Variants in ANO5 observed in about 807,000 individuals in gnomAD.
The protein encoded by ANO5 is anoctamin-5.
ANO5 carries 109 observed loss-of-function variants against 121.0 expected under a neutral mutation model. The ratio of observed to expected loss-of-function variants is 0.90; its 90% CI spans 0.77 to 1.06. ANO5 has a LOEUF of 1.06. Ranked by LOEUF, ANO5 falls within the 50% of genes least tolerant of loss-of-function variation. The pLI, the probability that ANO5 is intolerant of heterozygous loss-of-function variation, is 0.00. For synonymous variants in ANO5, 406 were observed against 359.9 expected (o/e 1.13, Z -1.45); for missense variants, 1,064 against 1,078.5 (o/e 0.99, Z 0.19).
chr11:22,237,106 G>C (rs955738518), intron 8 of ANO5, among the ~76,000 whole-genome samples: 7 of 152,228 alleles, frequency 4.6e-5, no homozygotes, highest in African/African-American at 1.2e-4. Context: ...TCTACTTTGA[G>C]ATCATCCCTT....
intron 13 of ANO5, among the ~76,000 whole-genome samples, chr11:22,256,545 C>T (rs770861370): frequency 6.6e-6 from 1 of 152,066 alleles, no homozygotes; most frequent in Non-Finnish European, 1.5e-5. Flanking sequence ...ACATGATGTT[C>T]ATTCCTATTT....
chr11:22,251,107 A>G (rs1424960082), intron 12 of ANO5, 96 bp downstream of exon 12: 2 of 1,256,188 alleles, frequency 1.6e-6, no homozygotes, highest in Admixed American at 3.9e-5. Context: ...CTTACATACC[A>G]AATGTGGTTT....
chr11:22,257,856 T>C (rs1854056211), intron 14 of ANO5, 102 bp downstream of exon 14: 17 of 947,098 alleles, frequency 1.8e-5, no homozygotes, highest in Non-Finnish European at 2.7e-5. Context: ...TTCCTTTCCC[T>C]CTCCCTCCCT....
intron 12 of ANO5, among the ~76,000 whole-genome samples, chr11:22,251,381 G>C (rs1211985310): frequency 6.6e-6 from 1 of 152,108 alleles, no homozygotes; most frequent in Non-Finnish European, 1.5e-5. Flanking sequence ...CTGGAACACA[G>C]ATCAAAAACT....
chr11:22,202,272 C>T (rs1042864139), intron 1 of ANO5, among the ~76,000 whole-genome samples: 3 of 152,090 alleles, frequency 2.0e-5, no homozygotes, highest in African/African-American at 7.2e-5. Context: ...AAATATTCCT[C>T]TGCAGAAAAC....
intron 7 of ANO5, among the ~76,000 whole-genome samples, chr11:22,234,318 C>A (rs1853144169): frequency 6.6e-6 from 1 of 152,034 alleles, no homozygotes; most frequent in Non-Finnish European, 1.5e-5. Context: ...ATTATCTCAT[C>A]CCTTCTTAAA....
chr11:22,251,067 C>T (rs1033868187), intron 12 of ANO5, 56 bp downstream of exon 12: 4 of 1,488,570 alleles, frequency 2.7e-6, no homozygotes, highest in Admixed American at 1.7e-5. Context: ...TGTTGTTTTG[C>T]CTCCATATAA....
intron 20 of ANO5, among the ~76,000 whole-genome samples, chr11:22,275,682 G>A (rs560085601): frequency 8.6e-5 from 13 of 151,908 alleles, no homozygotes; most frequent in South Asian, 2.1e-4. Flanking sequence ...GAAGATAGAA[G>A]TGGCCTATAT....
chr11:22,276,124 C>G lies in ANO5; in HGVS notation c.2445C>G (p.Asp815Glu), dbSNP rs774160498. Residue 815 changes from aspartate (D) to glutamate (E), a missense_variant, in exon 21 of 22, where the codon GAC becomes GAG. Transcript: ENST00000324559. ...RYRDYRYPPD[D>E]ENKYFHNMQF... The stretch of plus-strand genomic sequence containing the variant: ...GAGATTACAGATATCCTCCTGATGA[C>G]GAGAATAAATATTTTCATAATATGC... 8.7e-6 allele frequency: 14 copies of G among 1,610,028 alleles called. No homozygotes were observed. Among genetic ancestry groups the G allele is most frequent in the Non-Finnish European group, 1.1e-5 (13 of 1,177,202 alleles).
Position 22,210,146 on chromosome 11 carries a change from A to G in ANO5, c.88-1118A>G, listed in dbSNP as rs541404829. On this transcript the variant is annotated intron_variant, in intron 2 of 21. Coordinates refer to ENST00000324559, the MANE Select transcript of ANO5 (RefSeq NM_213599.3). ...AATTATAACTGTATTTTAGGCCTGT[A>G]TTTACTCACAGATTCTCAGTCTTCC... 1.3e-4 allele frequency among the ~76,000 whole-genome samples: 20 copies of G among 152,024 alleles called. No homozygotes were observed. The South Asian group carries it at 4.1e-3, about 32-fold the overall frequency.
At chr11:22,224,074 C>T (rs1425109410) in intron 5 of ANO5, among the ~76,000 whole-genome samples, 1 of 151,876 alleles carries the variant, frequency 6.6e-6, no homozygotes, top group Non-Finnish European at 1.5e-5. Context: ...TCCAGGACTC[C>T]ACATTATCTT....
At position 22,281,499 on chromosome 11, in the gene ANO5, G is replaced by A. The variant is rs1855078484; in HGVS notation, c.*1734G>A. The A allele has an allele frequency of 2.1e-5, 3 of 140,360 alleles. No individual in the cohort carries two copies. In the Admixed American group the frequency reaches 2.2e-4, roughly 10 times the overall value. The allele number at this position is 140,360 out of a possible 1,614,324, so 8.7% of individuals were successfully genotyped here. On this transcript the variant is annotated 3_prime_UTR_variant, in exon 22 of 22. Transcript: ENST00000324559. ...TTATTGAAAGATGATTTCATATGTA[G>A]AGAAGATAATATTTCTTTCTTGAAA...
At chr11:22,242,729 T>A (rs1270153362) in intron 9 of ANO5, among the ~76,000 whole-genome samples, 1 of 152,072 alleles carries the variant, frequency 6.6e-6, no homozygotes, top group Non-Finnish European at 1.5e-5. Context: ...CTCACTTTTG[T>A]CCATTGCTTT....
chr11:22,272,667 G>A (rs1854664774), intron 18 of ANO5, 117 bp from the exon 19 acceptor site: 2 of 930,556 alleles, frequency 2.1e-6, no homozygotes, highest in Admixed American at 4.0e-5. Flanking sequence ...ATGGAAGCCT[G>A]GATTGTCGTA....
intron 18 of ANO5, among the ~76,000 whole-genome samples, chr11:22,272,187 GT>G (rs1406725413): frequency 5.9e-5 from 9 of 152,040 alleles, no homozygotes; most frequent in Admixed American, 2.6e-4. Flanking sequence ...GTGGTCCTCT[GT>G]TGAGTCTTAA....
intron 10 of ANO5, 89 bp from the exon 11 acceptor site, chr11:22,250,652 G>A (rs1853782485): frequency 1.5e-6 from 2 of 1,302,520 alleles, no homozygotes; most frequent in African/African-American, 1.5e-5. Context: ...TATGTGAGAA[G>A]TTATATAAGT....
intron 7 of ANO5, among the ~76,000 whole-genome samples, chr11:22,228,368 G>T (rs1036005159): frequency 1.3e-5 from 2 of 151,774 alleles, no homozygotes; most frequent in Non-Finnish European, 1.5e-5. Context: ...AAAAATTTAT[G>T]ATTGACACAT....
chr11:22,271,122 G>A (rs1227601179), intron 18 of ANO5, among the ~76,000 whole-genome samples: 1 of 152,112 alleles, frequency 6.6e-6, no homozygotes, highest in East Asian at 1.9e-4. Flanking sequence ...GCCCAATCTC[G>A]GCTCACTGCA....
intron 20 of ANO5, among the ~76,000 whole-genome samples, chr11:22,275,208 G>T (rs1187346210): frequency 2.0e-5 from 3 of 151,632 alleles, no homozygotes; most frequent in Non-Finnish European, 3.0e-5. Flanking sequence ...CTACTAAAAG[G>T]TTTTATACTG....
Sources: gnomAD v4.1 joint callset for allele counts (sites outside exome capture counted in the v4.1 genomes callset) on GRCh38, gnomAD v4.1.1 for gene constraint, MANE v1.5 for transcripts, NCBI Gene and HGNC (gene_info 2026-07-23, HGNC 2026-07-21) for gene names.